The following SPN variants were observed in gnomAD, a reference collection of about 807,000 sequenced individuals.
SPN encodes leukosialin.
Under a neutral mutation model 8.4 loss-of-function variants are expected in SPN, and 6 were observed. The observed-to-expected ratio is 0.72, with a 90% CI of 0.39 to 1.42. The LOEUF is 1.42. Among genes scored for constraint, SPN ranks in the 40% most tolerant of loss-of-function variants. SPN has a pLI of 0.02. For synonymous variants in SPN, 201 were observed against 222.6 expected, an observed-to-expected ratio of 0.90 and a Z score of 0.86; for missense variants, 517 against 530.6, an observed-to-expected ratio of 0.97 and a Z score of 0.25.
At position 29,663,626 on chromosome 16, in the gene SPN, AGAGGG is replaced by A; in HGVS notation, c.-34-64_-34-60del. 6.8e-7 allele frequency: 1 copy of A among 1,480,168 alleles called. No homozygotes were observed. The highest frequency in any genetic ancestry group is 2.3e-5 in the East Asian group (1 of 43,582). 91.7% of individuals were successfully genotyped at this position (1,480,168 alleles called of 1,614,324 possible). A position where few individuals can be genotyped will look rare whatever the true frequency, so the allele number is the denominator to read the frequency against. On this transcript the variant is annotated intron_variant, in intron 1 of 1. Transcript: ENST00000652691. This position sits in a 1 kb window ranked among gnomAD's most constrained non-coding sequence, Gnocchi z 4.3. Reference sequence around the variant, plus strand: ...CCTGGCCGTTGGCAGGGAAGTGGGCAGAGGGGAGGCCCGGCCAGGTCCTCCGGCAA... The same window carrying A: ...CCTGGCCGTTGGCAGGGAAGTGGGCAGAGGCCCGGCCAGGTCCTCCGGCAA...
chr16:29,668,724 A>G lies in SPN; in HGVS notation c.*3793A>G, dbSNP rs1256217932. The G allele has an allele frequency of 6.0e-6, 1 of 166,966 alleles. No individual in the cohort carries two copies. Among genetic ancestry groups the G allele is most frequent in the Admixed American group, 6.6e-5 (1 of 15,244 alleles). The allele number at this position is 166,966 out of a possible 1,614,324, so 10.3% of individuals were successfully genotyped here. ...AAGCTTCCCCAAATACTGGGATTATAGGTGTGAGCCACTGTGCCCAGGCTT... is the reference window on the plus strand; with the variant it reads ...AAGCTTCCCCAAATACTGGGATTATGGGTGTGAGCCACTGTGCCCAGGCTT... On this transcript the variant is annotated 3_prime_UTR_variant, in exon 2 of 2. Coordinates refer to ENST00000652691, the MANE Select transcript of SPN (RefSeq NM_003123.6).
chr16:29,664,652 G>C lies in SPN; in HGVS notation c.924G>C (p.Gln308His). 1 of 1,536,336 alleles carries C rather than the reference G, an allele frequency of 6.5e-7. No homozygotes were observed. Among genetic ancestry groups the C allele is most frequent in the Non-Finnish European group, 8.7e-7 (1 of 1,145,128 alleles). Residue 308 changes from glutamine (Q) to histidine (H), a missense_variant, in exon 2 of 2, where the codon CAG becomes CAC. Transcript: ENST00000652691. The surrounding 1 kb of genome is among the most constrained non-coding windows in gnomAD (Gnocchi z 6.4). ...GVVDAWAGPA[Q>H]VPEEGAVTVT... ...TGGACGCCTGGGCTGGGCCAGCCCA[G>C]GTCCCTGAGGAGGGGGCCGTGACAG...
rs1205566817 is a variant in SPN at position 29,664,486 on chromosome 16, G to T, written c.758G>T (p.Arg253Leu). ...VPFRNPDENS[R>L]GMLPVAVLVA... Reference sequence around the variant, plus strand: ...TTCCGGAACCCAGATGAGAACTCACGAGGCATGCTGCCAGTGGCTGTGCTT... The same window carrying T: ...TTCCGGAACCCAGATGAGAACTCACTAGGCATGCTGCCAGTGGCTGTGCTT... The change falls in exon 2 of 2, where the codon CGA becomes CTA. Residue 253 changes from arginine to leucine, a missense_variant. By Grantham distance (102) the Arg-to-Leu change is moderately radical. Coordinates refer to ENST00000652691, the MANE Select transcript of SPN (RefSeq NM_003123.6). This position sits in a 1 kb window ranked among gnomAD's most constrained non-coding sequence, Gnocchi z 6.4. 36 of 1,614,072 alleles carry T rather than the reference G, an allele frequency of 2.2e-5. No homozygotes were observed. The highest frequency in any genetic ancestry group is 2.8e-5 in the Non-Finnish European group (33 of 1,180,040).
In SPN at chr16:29,667,978, ATG is replaced by A. The variant is rs529584743; in HGVS notation, c.*3058_*3059del. 237 of 166,172 alleles carry A rather than the reference ATG, an allele frequency of 1.4e-3. 1 individual carries two copies. The highest frequency in any genetic ancestry group is 5.2e-3 in the African/African-American group (214 of 41,236). 10.3% of individuals were successfully genotyped at this position (166,172 alleles called of 1,614,324 possible). A position where few individuals can be genotyped will look rare whatever the true frequency, so the allele number is the denominator to read the frequency against. On this transcript the variant is annotated 3_prime_UTR_variant, in exon 2 of 2. Transcript: ENST00000652691. ...TGTATGTGTGCACATGTGTGTGCGC[ATG>A]TGTGTGTGTGCGCGCATGTGTGTGT...
At position 29,664,078 on chromosome 16, in the gene SPN, C is replaced by T; in HGVS notation, c.350C>T (p.Ala117Val). Residue 117 changes from alanine to valine, a missense_variant, in exon 2 of 2, where the codon GCT (alanine) becomes GTT (valine). Physicochemically the swap from Ala to Val is moderately conservative, Grantham distance 64. Transcript: ENST00000652691. The surrounding 1 kb of genome is among the most constrained non-coding windows in gnomAD (Gnocchi z 6.4). Reference protein sequence around the residue: ...QETPHATSHPAVPITANSLGS... With the variant: ...QETPHATSHPVVPITANSLGS... Reference sequence around the variant, plus strand: ...ACCCCTCATGCAACCAGTCATCCTGCTGTTCCCATAACAGCAAACTCTCTA... The same window carrying T: ...ACCCCTCATGCAACCAGTCATCCTGTTGTTCCCATAACAGCAAACTCTCTA... 1.2e-6 allele frequency: 2 copies of T among 1,614,056 alleles called. No individual in the cohort carries two copies. The highest frequency in any genetic ancestry group is 1.3e-5 in the African/African-American group (1 of 74,992).
Position 29,663,815 on chromosome 16 carries a change from C to T in SPN, c.87C>T (p.Ser29=), listed in dbSNP as rs773306769. 6 of 1,613,938 alleles carry T rather than the reference C, an allele frequency of 3.7e-6. No individual in the cohort carries two copies. Among genetic ancestry groups the T allele is most frequent in the Admixed American group, 1.7e-5 (1 of 59,952 alleles). Residue 29 remains serine (S), a synonymous_variant, in exon 2 of 2, where the codon TCC becomes TCT. Coordinates refer to ENST00000652691, the MANE Select transcript of SPN (RefSeq NM_003123.6). This position sits in a 1 kb window ranked among gnomAD's most constrained non-coding sequence, Gnocchi z 4.3. ...GSTTAVQTPT[S]GEPLVSTSEP... is the part of the protein sequence containing the mutation. The stretch of plus-strand genomic sequence containing the variant: ...CAACAGCAGTGCAGACACCCACCTC[C>T]GGAGAGCCTTTGGTCTCTACTAGCG...
rs927941387 is a variant in SPN, at chr16:29,663,583, G to A, written c.-34-112G>A. 5 of 1,156,222 alleles carry A rather than the reference G, an allele frequency of 4.3e-6. No individual in the cohort carries two copies. Among genetic ancestry groups the A allele is most frequent in the South Asian group, 3.1e-5 (2 of 64,308 alleles). The allele number at this position is 1,156,222 out of a possible 1,614,324, so 71.6% of individuals were successfully genotyped here. A position where few individuals can be genotyped will look rare whatever the true frequency, so the allele number is the denominator to read the frequency against. ...AGTAAAAGCCAGCATGGAAAAAACC[G>A]TTAAACCGCAGGTTGGGCCTGGCCG... is the stretch of plus-strand genomic sequence containing the variant. On this transcript the variant is annotated intron_variant, in intron 1 of 1. Transcript: ENST00000652691. The surrounding 1 kb of genome is among the most constrained non-coding windows in gnomAD (Gnocchi z 4.3).
In SPN at chr16:29,664,837, A is replaced by G; in HGVS notation, c.1109A>G (p.Lys370Arg). The part of the protein sequence containing the change: ...ELKSGSGPSL[K>R]GEEEPLVASE... ...AAGTCTGGGTCAGGCCCCAGCCTCA[A>G]AGGGGAGGAGGAGCCACTGGTGGCC... is the stretch of plus-strand genomic sequence containing the variant. Residue 370 changes from lysine to arginine, a missense_variant, in exon 2 of 2, where the codon AAA becomes AGA. Coordinates refer to ENST00000652691, the MANE Select transcript of SPN (RefSeq NM_003123.6). The surrounding 1 kb of genome is among the most constrained non-coding windows in gnomAD (Gnocchi z 6.4). The G allele has an allele frequency of 6.7e-7, 1 of 1,500,112 alleles. No individual in the cohort carries two copies. Among genetic ancestry groups the G allele is most frequent in the South Asian group, 1.4e-5 (1 of 71,116 alleles). The allele number at this position is 1,500,112 out of a possible 1,614,324, so 92.9% of individuals were successfully genotyped here.
At position 29,668,322 on chromosome 16, in the gene SPN, TG is replaced by T. The variant is rs1966839575; in HGVS notation, c.*3394del. On this transcript the variant is annotated 3_prime_UTR_variant, in exon 2 of 2. Coordinates refer to ENST00000652691, the MANE Select transcript of SPN (RefSeq NM_003123.6). ...CACCTGCCTCAGCCTCCCAAAATGC[TG>T]GGACTATAGGCATGAGCCACTGCAC... The T allele has an allele frequency of 6.6e-6, 1 of 152,456 alleles. No individual in the cohort carries two copies. The highest frequency in any genetic ancestry group is 2.1e-4 in the South Asian group (1 of 4,836). 9.4% of individuals were successfully genotyped at this position (152,456 alleles called of 1,614,324 possible). A position where few individuals can be genotyped will look rare whatever the true frequency, so the allele number is the denominator to read the frequency against.
Position 29,667,274 on chromosome 16 carries a change from C to G in SPN, c.*2343C>G. 1 of 288,692 alleles carries G rather than the reference C, an allele frequency of 3.5e-6. No individual in the cohort carries two copies. Among genetic ancestry groups the G allele is most frequent in the South Asian group, 3.5e-5 (1 of 28,216 alleles). The allele number at this position is 288,692 out of a possible 1,614,324, so 17.9% of individuals were successfully genotyped here. On this transcript the variant is annotated 3_prime_UTR_variant, in exon 2 of 2. Coordinates refer to ENST00000652691, the MANE Select transcript of SPN (RefSeq NM_003123.6). ...TCTTAGAGTTGTTAAAATAAGAGCC[C>G]CCATATCAGGTTTAGAAAATACTGT...
In SPN at chr16:29,666,625, C is replaced by G. The variant is rs1474700456; in HGVS notation, c.*1694C>G. 8 of 292,674 alleles carry G rather than the reference C, an allele frequency of 2.7e-5. No individual in the cohort carries two copies. The highest frequency in any genetic ancestry group is 5.8e-5 in the Non-Finnish European group (8 of 138,822). 18.1% of individuals were successfully genotyped at this position (292,674 alleles called of 1,614,324 possible). ...GTTTGCCCTGGTCTCGGGGACTGGTCTGGCTGGCGCTTCCCCACTGCACGT... is the reference window on the plus strand; with the variant it reads ...GTTTGCCCTGGTCTCGGGGACTGGTGTGGCTGGCGCTTCCCCACTGCACGT... On this transcript the variant is annotated 3_prime_UTR_variant, in exon 2 of 2. Coordinates refer to ENST00000652691, the MANE Select transcript of SPN (RefSeq NM_003123.6).
At position 29,664,576 on chromosome 16, in the gene SPN, G is replaced by C. The variant is rs774722271; in HGVS notation, c.848G>C (p.Arg283Pro). The change falls in exon 2 of 2, where the codon CGG becomes CCG. Residue 283 changes from arginine (R) to proline (P), a missense_variant. Transcript: ENST00000652691. The surrounding 1 kb of genome is among the most constrained non-coding windows in gnomAD (Gnocchi z 6.4). ...CTGCTGTGGCGCCGGCGGCAGAAGC[G>C]GCGGACTGGGGCCCTCGTGCTGAGC... ...LLLLWRRRQK[R>P]RTGALVLSRG... The C allele has an allele frequency of 3.1e-6, 5 of 1,612,070 alleles. No homozygotes were observed. The Middle Eastern group carries it at 4.9e-4, about 159-fold the overall frequency.
rs1045024426 is a variant in SPN, at chr16:29,669,444, G to A, written c.*4513G>A. 1.9e-5 allele frequency: 3 copies of A among 161,436 alleles called. No individual in the cohort carries two copies. The highest frequency in any genetic ancestry group is 2.4e-5 in the African/African-American group (1 of 41,022). 10.0% of individuals were successfully genotyped at this position (161,436 alleles called of 1,614,324 possible). A position where few individuals can be genotyped will look rare whatever the true frequency, so the allele number is the denominator to read the frequency against. On this transcript the variant is annotated 3_prime_UTR_variant, in exon 2 of 2. Coordinates refer to ENST00000652691, the MANE Select transcript of SPN (RefSeq NM_003123.6). ...TTGAACTCCCGACCTCTGCTGATCCGTATGCCTCGGCCTCCCAAAGTGCTG... is the reference window on the plus strand; with the variant it reads ...TTGAACTCCCGACCTCTGCTGATCCATATGCCTCGGCCTCCCAAAGTGCTG...
In SPN at chr16:29,667,404, G is replaced by GA; in HGVS notation, c.*2480dup. 5.2e-6 allele frequency: 1 copy of GA among 191,448 alleles called. No individual in the cohort carries two copies. The highest frequency in any genetic ancestry group is 1.2e-5 in the Non-Finnish European group (1 of 81,096). 11.9% of individuals were successfully genotyped at this position (191,448 alleles called of 1,614,324 possible). A position where few individuals can be genotyped will look rare whatever the true frequency, so the allele number is the denominator to read the frequency against. On this transcript the variant is annotated 3_prime_UTR_variant, in exon 2 of 2. Coordinates refer to ENST00000652691, the MANE Select transcript of SPN (RefSeq NM_003123.6). ...TTTAGTCAGGTCCTGGGCGAATCCT[G>GA]AAAAAAAGAGGTAGTACGGGTAAGG...
rs768509578 is a variant in SPN, at chr16:29,664,301, T to C, written c.573T>C (p.Thr191=). 38 of 1,613,846 alleles carry C rather than the reference T, an allele frequency of 2.4e-5. No homozygotes were observed. The Middle Eastern group carries it at 1.5e-3, about 63-fold the overall frequency. Residue 191 remains threonine (T), a synonymous_variant, in exon 2 of 2, where the codon ACT becomes ACC. Transcript: ENST00000652691. This position sits in a 1 kb window ranked among gnomAD's most constrained non-coding sequence, Gnocchi z 6.4. ...CTGGACCCCCTGTTACCATGGCAAC[T>C]GACTCTCTGGAGACCTCCACTGGGA... ...GTSGPPVTMA[T]DSLETSTGTT...
rs1966814284 is a variant in SPN at position 29,666,534 on chromosome 16, A to ACT, written c.*1604_*1605insTC. On this transcript the variant is annotated 3_prime_UTR_variant, in exon 2 of 2. Coordinates refer to ENST00000652691, the MANE Select transcript of SPN (RefSeq NM_003123.6). The stretch of plus-strand genomic sequence containing the variant: ...CTCTCTCTCTCTCTCTCACACACAC[A>ACT]CACACACACACACACACACGCGCGC... The ACT allele has an allele frequency of 6.2e-6, 1 of 161,670 alleles. No individual in the cohort carries two copies. The highest frequency in any genetic ancestry group is 1.4e-5 in the Non-Finnish European group (1 of 73,180). 10.0% of individuals were successfully genotyped at this position (161,670 alleles called of 1,614,324 possible). A position where few individuals can be genotyped will look rare whatever the true frequency, so the allele number is the denominator to read the frequency against.
At position 29,667,007 on chromosome 16, in the gene SPN, G is replaced by GAGATGGGGGAAAGGGTC. The variant is rs1311003990; in HGVS notation, c.*2079_*2095dup. 1 of 471,006 alleles carries GAGATGGGGGAAAGGGTC rather than the reference G, an allele frequency of 2.1e-6. No individual in the cohort carries two copies. Among genetic ancestry groups the GAGATGGGGGAAAGGGTC allele is most frequent in the Non-Finnish European group, 4.4e-6 (1 of 226,894 alleles). 29.2% of individuals were successfully genotyped at this position (471,006 alleles called of 1,614,324 possible). ...CAGCCCTGCTCTGTGGCCTGGGCAG[G>GAGATGGGGGAAAGGGTC]AGATGGGGGAAAGGGTCAGGTGGGG... On this transcript the variant is annotated 3_prime_UTR_variant, in exon 2 of 2. Transcript: ENST00000652691.
chr16:29,664,517 C>G lies in SPN; in HGVS notation c.789C>G (p.Ala263=). 1.9e-6 allele frequency: 3 copies of G among 1,614,132 alleles called. No individual in the cohort carries two copies. Among genetic ancestry groups the G allele is most frequent in the Non-Finnish European group, 2.5e-6 (3 of 1,180,012 alleles). ...TGCTGCCAGTGGCTGTGCTTGTGGCCCTGCTGGCGGTCATAGTCCTCGTGG... is the reference window on the plus strand; with the variant it reads ...TGCTGCCAGTGGCTGTGCTTGTGGCGCTGCTGGCGGTCATAGTCCTCGTGG... The part of the protein sequence containing the change: ...RGMLPVAVLV[A]LLAVIVLVAL... Residue 263 remains alanine, a synonymous_variant, in exon 2 of 2, where the codon GCC becomes GCG. Transcript: ENST00000652691. This position sits in a 1 kb window ranked among gnomAD's most constrained non-coding sequence, Gnocchi z 6.4.
In SPN at chr16:29,668,443, AATG is replaced by A. The variant is rs1966839955; in HGVS notation, c.*3514_*3516del. The A allele has an allele frequency of 6.6e-6, 1 of 152,024 alleles. No homozygotes were observed. Among genetic ancestry groups the A allele is most frequent in the Admixed American group, 6.6e-5 (1 of 15,220 alleles). 9.4% of individuals were successfully genotyped at this position (152,024 alleles called of 1,614,324 possible). A position where few individuals can be genotyped will look rare whatever the true frequency, so the allele number is the denominator to read the frequency against. On this transcript the variant is annotated 3_prime_UTR_variant, in exon 2 of 2. Transcript: ENST00000652691. The stretch of plus-strand genomic sequence containing the variant: ...GAATGAATGAATGAATGAATGAATG[AATG>A]AATGGAGATGACGCCTCAGAGATTC...
Sources: gnomAD v4.1 joint callset for allele counts on GRCh38, gnomAD v4.1.1 for gene constraint, Gnocchi (gnomAD v3.1) non-coding constraint, MANE v1.5 for transcripts, NCBI Gene and HGNC (gene_info 2026-07-23, HGNC 2026-07-21) for gene names.